PPARGC1A: variants seen among roughly 807,000 people sequenced by gnomAD.
PPARGC1A encodes the protein peroxisome proliferator-activated receptor gamma coactivator 1-alpha.
PPARGC1A carries 25 observed loss-of-function variants against 88.7 expected under a neutral mutation model. That is an observed-to-expected ratio of 0.28 (90% CI 0.21 to 0.39). The LOEUF is 0.39. Ranked by LOEUF, PPARGC1A falls within the 10% of genes least tolerant of loss-of-function variation. The probability of loss-of-function intolerance (pLI) is 1.00; values close to 1 mark genes in which losing one functional copy is unlikely to be tolerated. For missense variants in PPARGC1A, 880 were observed against 968.7 expected, an observed-to-expected ratio of 0.91 and a Z score of 1.22; for synonymous variants, 363 against 355.6, an observed-to-expected ratio of 1.02 and a Z score of -0.24.
At chr4:24,431,518 A>G in the PPARGC1A span, among the ~76,000 whole-genome samples, 11 of 152,208 alleles carry the variant, frequency 7.2e-5, no homozygotes, top group Non-Finnish European at 1.6e-4. Flanking sequence ...AAAATCTCTT[A>G]GAGGGTCAGG....
chr4:24,137,566 A>T, the PPARGC1A span, among the ~76,000 whole-genome samples: 1 of 152,218 alleles, frequency 6.6e-6, no homozygotes, highest in Non-Finnish European at 1.5e-5. Flanking sequence ...TTGCCTAAAC[A>T]GGATACAGTA....
At chr4:24,228,179 C>A in the PPARGC1A span, among the ~76,000 whole-genome samples, 44 of 152,186 alleles carry the variant, frequency 2.9e-4, no homozygotes, top group African/African-American at 1.1e-3. Flanking sequence ...CAGTGATGGG[C>A]CATTTGCTTC....
chr4:23,838,019 T>C (rs1726355393), intron 2 of PPARGC1A, among the ~76,000 whole-genome samples: 1 of 152,192 alleles, frequency 6.6e-6, no homozygotes, highest in Non-Finnish European at 1.5e-5. Flanking sequence ...TGCAATAAAA[T>C]TTAAAAATAA....
chr4:24,295,738 ATATAT>A, the PPARGC1A span, among the ~76,000 whole-genome samples: 6 of 149,940 alleles, frequency 4.0e-5, no homozygotes, highest in East Asian at 3.9e-4. Context: ...GCTACATTAT[ATATAT>A]TATATATGTA....
chr4:24,079,578 A>G, the PPARGC1A span, among the ~76,000 whole-genome samples: 1 of 152,048 alleles, frequency 6.6e-6, no homozygotes, highest in Non-Finnish European at 1.5e-5. Context: ...CTTAGAATTT[A>G]TCTCTGAAAC....
chr4:24,200,655 C>CGCAAAAAAAAAA, the PPARGC1A span, among the ~76,000 whole-genome samples: 1 of 88,316 alleles, frequency 1.1e-5, no homozygotes, highest in African/African-American at 3.5e-5. Flanking sequence ...ATTTATTAAG[C>CGCAAAAAAAAAA]AAAAAAAAAA....
the PPARGC1A span, among the ~76,000 whole-genome samples, chr4:24,170,366 C>T: frequency 1.9e-3 from 294 of 152,292 alleles, no homozygotes; most frequent in African/African-American, 6.6e-3. Flanking sequence ...CATTAATGTA[C>T]TATAAAGTAT....
At chr4:24,391,828 G>A in the PPARGC1A span, among the ~76,000 whole-genome samples, 1 of 151,826 alleles carries the variant, frequency 6.6e-6, no homozygotes, top group Non-Finnish European at 1.5e-5. Context: ...TTGTATTGCT[G>A]TAGCAAGACC....
the PPARGC1A span, among the ~76,000 whole-genome samples, chr4:24,389,794 A>C: frequency 6.6e-6 from 1 of 152,152 alleles, no homozygotes; most frequent in Non-Finnish European, 1.5e-5. Flanking sequence ...TAGATAGCTC[A>C]AGAAACTGAG....
the PPARGC1A span, among the ~76,000 whole-genome samples, chr4:24,142,052 A>G: frequency 6.6e-6 from 1 of 152,202 alleles, no homozygotes; most frequent in Non-Finnish European, 1.5e-5. Context: ...TTATTCTAAG[A>G]GAGTCAGCAT....
chr4:23,836,656 G>C (rs1560410643), intron 2 of PPARGC1A, among the ~76,000 whole-genome samples: 2 of 152,192 alleles, frequency 1.3e-5, no homozygotes, highest in Non-Finnish European at 2.9e-5. Flanking sequence ...ACCTGTACTA[G>C]TCTGACATCA....
chr4:23,906,454 A>C (rs1019088462), upstream of PPARGC1A, among the ~76,000 whole-genome samples: 3 of 151,928 alleles, frequency 2.0e-5, no homozygotes, highest in Non-Finnish European at 4.4e-5. Flanking sequence ...ATCTACTAAA[A>C]ATACAAAAAT....
the PPARGC1A span, among the ~76,000 whole-genome samples, chr4:24,169,306 G>A: frequency 6.6e-6 from 1 of 152,134 alleles, no homozygotes; most frequent in Non-Finnish European, 1.5e-5. Context: ...AAGGAGTCCT[G>A]GGCAATAAAT....
the PPARGC1A span, among the ~76,000 whole-genome samples, chr4:24,076,952 A>G: frequency 6.6e-6 from 1 of 151,812 alleles, no homozygotes; most frequent in Non-Finnish European, 1.5e-5. Context: ...TTTCTTACAT[A>G]CTTTTTTGTT....
intron 10 of PPARGC1A, among the ~76,000 whole-genome samples, chr4:23,804,237 T>C (rs932381786): frequency 6.6e-6 from 1 of 152,184 alleles, no homozygotes; most frequent in African/African-American, 2.4e-5. Context: ...CCAATGTTCT[T>C]GTATTAGTGA....
At chr4:24,428,750 T>C in the PPARGC1A span, among the ~76,000 whole-genome samples, 2 of 152,200 alleles carry the variant, frequency 1.3e-5, no homozygotes, top group Admixed American at 1.3e-4. Context: ...TAGGAAGATA[T>C]TCAGGCTGAC....
At chr4:23,967,743 C>CT in the PPARGC1A span, among the ~76,000 whole-genome samples, 1 of 152,052 alleles carries the variant, frequency 6.6e-6, no homozygotes, top group African/African-American at 2.4e-5. Context: ...ATCCTCCTTT[C>CT]TTTTGAATAT....
At chr4:24,141,551 C>T in the PPARGC1A span, among the ~76,000 whole-genome samples, 1 of 152,284 alleles carries the variant, frequency 6.6e-6, no homozygotes, top group South Asian at 2.1e-4. Context: ...CAAGGAATTG[C>T]TTATCAAGCA....
At chr4:24,112,117 T>G in the PPARGC1A span, among the ~76,000 whole-genome samples, 412 of 152,312 alleles carry the variant, frequency 2.7e-3, 4 homozygotes, top group East Asian at 0.051. Flanking sequence ...CATTCTGCTT[T>G]GCCTAAATCT....
Sources: allele counts gnomAD v4.1 joint callset (sites outside exome capture counted in the v4.1 genomes callset), GRCh38; gene constraint gnomAD v4.1.1; transcripts MANE v1.5; gene names NCBI Gene and HGNC (gene_info 2026-07-23, HGNC 2026-07-21).